Variants in MBNL2 observed in about 807,000 individuals in gnomAD.
MBNL2 encodes the protein muscleblind like splicing regulator 2, also known as muscleblind-like protein 2.
Under a neutral mutation model 41.9 loss-of-function variants are expected in MBNL2, and 17 were observed. That is an observed-to-expected ratio of 0.41 (90% CI 0.28 to 0.61). The LOEUF (loss-of-function observed/expected upper bound fraction) is 0.61, where lower values mean the gene tolerates loss of function less well. MBNL2 is among the 20% of genes least tolerant of loss of function. The pLI is 0.35. For synonymous variants in MBNL2, 195 were observed against 182.9 expected, an observed-to-expected ratio of 1.07 and a Z score of -0.53; for missense variants, 336 against 505.6, an observed-to-expected ratio of 0.66 and a Z score of 3.22.
rs2058350688 is a variant in MBNL2 at position 97,308,959 on chromosome 13, C to A, written c.175-25317C>A. Among the ~76,000 whole-genome samples the A allele has an allele frequency of 2.6e-5, 4 of 152,074 alleles. 1 individual carries two copies. The South Asian group carries it at 8.3e-4, about 32-fold the overall frequency. On this transcript the variant is annotated intron_variant, in intron 2 of 8. Coordinates refer to ENST00000679496, the MANE Select transcript of MBNL2 (RefSeq NM_001382683.1). ...TTTCTGAGCGGGACTGAGGAGTCAT[C>A]ATGGAGAAAGGGCATCAGAGATGGG...
chr13:97,186,861 G>A, the MBNL2 span, among the ~76,000 whole-genome samples: 2 of 152,144 alleles, frequency 1.3e-5, no homozygotes, highest in African/African-American at 2.4e-5. Flanking sequence ...GGGTGGAAAG[G>A]GTGGCATTTC....
upstream of MBNL2, among the ~76,000 whole-genome samples, chr13:97,216,955 A>G (rs571333436): frequency 6.7e-6 from 1 of 149,132 alleles, no homozygotes; most frequent in African/African-American, 2.4e-5. Context: ...CATATTATAT[A>G]CATAATATAA....
intron 8 of MBNL2, among the ~76,000 whole-genome samples, chr13:97,377,638 G>T (rs914044784): frequency 2.0e-5 from 3 of 152,126 alleles, no homozygotes; most frequent in Admixed American, 6.5e-5. Context: ...ATATGCAAAA[G>T]GTCCAGAGAA....
intron 1 of MBNL2, among the ~76,000 whole-genome samples, chr13:97,257,026 G>A (rs1383674262): frequency 6.6e-6 from 1 of 152,088 alleles, no homozygotes; most frequent in Non-Finnish European, 1.5e-5. Flanking sequence ...ACTTTAAATC[G>A]GAAAGCATTA....
At chr13:97,150,206 G>A in the MBNL2 span, among the ~76,000 whole-genome samples, 3 of 152,188 alleles carry the variant, frequency 2.0e-5, no homozygotes, top group Admixed American at 6.5e-5. Flanking sequence ...ATATGTTTAC[G>A]TTAAGTGATC....
intron 1 of MBNL2, among the ~76,000 whole-genome samples, chr13:97,245,847 G>C (rs1566363872): frequency 6.6e-6 from 1 of 152,156 alleles, no homozygotes; most frequent in East Asian, 1.9e-4. Context: ...GAAATTCAGA[G>C]CCAAGTCCAT....
At position 97,357,009 on chromosome 13, in the gene MBNL2, T is replaced by G. The variant is rs933443181; in HGVS notation, c.858+160T>G. On this transcript the variant is annotated intron_variant, in intron 6 of 8. Transcript: ENST00000679496. ...CCATCTCATTCTCATATGTAATCTG[T>G]GAAATAAATTAATCCTAACAAATTT... 1.9e-4 allele frequency among the ~76,000 whole-genome samples: 29 copies of G among 152,166 alleles called. 1 individual carries two copies. The highest frequency in any genetic ancestry group is 6.8e-4 in the African/African-American group (28 of 41,440).
At chr13:97,336,068 G>A (rs142373428) in intron 3 of MBNL2, among the ~76,000 whole-genome samples, 36 of 152,264 alleles carry the variant, frequency 2.4e-4, no homozygotes, top group African/African-American at 8.7e-4. Flanking sequence ...GACTGACCCT[G>A]GTACTCACTG....
intron 8 of MBNL2, among the ~76,000 whole-genome samples, chr13:97,370,765 T>C (rs2064294924): frequency 1.3e-5 from 2 of 152,190 alleles, no homozygotes; most frequent in South Asian, 4.1e-4. Flanking sequence ...ATAATTTTTA[T>C]AGAAGTAAGA....
rs1350436550 is a variant in MBNL2 at position 97,321,301 on chromosome 13, T to C, written c.175-12975T>C. 3.3e-5 allele frequency among the ~76,000 whole-genome samples: 5 copies of C among 152,090 alleles called. No homozygotes were observed. In the South Asian group the frequency reaches 8.3e-4, roughly 25 times the overall value. ...TCCCGGAAACCCCCTGCTGTGTGGG[T>C]TTAACTCTTTGATTGCTGGGGTCCA... On this transcript the variant is annotated intron_variant, in intron 2 of 8. Transcript: ENST00000679496.
intron 1 of MBNL2, among the ~76,000 whole-genome samples, chr13:97,230,796 G>A (rs2042274431): frequency 6.6e-6 from 1 of 152,158 alleles, no homozygotes; most frequent in Non-Finnish European, 1.5e-5. Context: ...TTCCTCTCTG[G>A]CAAGGGTTTC....
chr13:97,290,399 G>A (rs9805852), intron 2 of MBNL2, among the ~76,000 whole-genome samples: 4,523 of 151,660 alleles, frequency 0.03, 201 homozygotes, highest in African/African-American at 0.099. Flanking sequence ...CTCCTTGGCC[G>A]GGCGCGGTGG....
At chr13:97,309,232 A>C (rs532370993) in intron 2 of MBNL2, among the ~76,000 whole-genome samples, 51 of 152,332 alleles carry the variant, frequency 3.3e-4, no homozygotes, top group African/African-American at 1.2e-3. Flanking sequence ...GACTTTGAGC[A>C]CGGAAATGAA....
At chr13:97,386,860 C>G (rs1036570147) in intron 8 of MBNL2, among the ~76,000 whole-genome samples, 5 of 151,970 alleles carry the variant, frequency 3.3e-5, no homozygotes, top group African/African-American at 9.7e-5. Context: ...GATAAGCAGA[C>G]TCCATTGTAG....
chr13:97,239,245 T>A (rs1042767692), intron 1 of MBNL2, among the ~76,000 whole-genome samples: 2 of 152,278 alleles, frequency 1.3e-5, no homozygotes, highest in East Asian at 3.8e-4. Context: ...TGTGCCTAGA[T>A]AACTCTTCTC....
At chr13:97,250,029 T>C (rs1323085198) in intron 1 of MBNL2, among the ~76,000 whole-genome samples, 2 of 152,244 alleles carry the variant, frequency 1.3e-5, no homozygotes, top group Non-Finnish European at 2.9e-5. Flanking sequence ...TCTGGTTGGT[T>C]CTTCTTTCTC....
At chr13:97,189,438 T>C in the MBNL2 span, among the ~76,000 whole-genome samples, 1 of 152,200 alleles carries the variant, frequency 6.6e-6, no homozygotes, top group Admixed American at 6.5e-5. Flanking sequence ...TTTGTTAGGA[T>C]GAAACTAAAT....
At chr13:97,226,447 A>G (rs2041619253) in intron 1 of MBNL2, among the ~76,000 whole-genome samples, 1 of 152,220 alleles carries the variant, frequency 6.6e-6, no homozygotes, top group South Asian at 2.1e-4. Flanking sequence ...GGCTTTTGCT[A>G]TTTGGTGAGA....
At chr13:97,283,449 C>T (rs1410330931) in intron 2 of MBNL2, among the ~76,000 whole-genome samples, 2 of 152,182 alleles carry the variant, frequency 1.3e-5, no homozygotes, top group Non-Finnish European at 2.9e-5. Flanking sequence ...CCCCTGGGTG[C>T]CTTGTTCCCT....
Sources: allele counts gnomAD v4.1 joint callset (sites outside exome capture counted in the v4.1 genomes callset), GRCh38; gene constraint gnomAD v4.1.1; transcripts MANE v1.5; gene names NCBI Gene and HGNC (gene_info 2026-07-23, HGNC 2026-07-21).